CNTNAP5: variants seen among roughly 807,000 people sequenced by gnomAD.
The protein encoded by CNTNAP5 is contactin-associated protein-like 5.
CNTNAP5 carries 72 observed loss-of-function variants against 150.2 expected under a neutral mutation model. The observed-to-expected ratio is 0.48, with a 90% CI of 0.40 to 0.58. The LOEUF (loss-of-function observed/expected upper bound fraction) is 0.58, where lower values mean the gene tolerates loss of function less well. Among genes scored for constraint, CNTNAP5 ranks in the 20% least tolerant of loss-of-function variants. The pLI, the probability that CNTNAP5 is intolerant of heterozygous loss-of-function variation, is 0.00. For synonymous variants in CNTNAP5, 672 were observed against 619.8 expected, an observed-to-expected ratio of 1.08 and a Z score of -1.25; for missense variants, 1,636 against 1,626.2, an observed-to-expected ratio of 1.01 and a Z score of -0.10.
chr2:124,654,394 G>A (rs1164062001), intron 13 of CNTNAP5, among the ~76,000 whole-genome samples: 1 of 152,124 alleles, frequency 6.6e-6, no homozygotes, highest in Admixed American at 6.5e-5. Flanking sequence ...GACATTTTAA[G>A]TCATCTCCTA....
At chr2:124,707,940 A>T (rs74906781) in intron 13 of CNTNAP5, among the ~76,000 whole-genome samples, 24,625 of 152,036 alleles carry the variant, frequency 0.16, 2,235 homozygotes, top group East Asian at 0.24. Flanking sequence ...CCAGGATAAA[A>T]CTTTTAAAAA....
chr2:124,142,591 C>T (rs1389992116), intron 1 of CNTNAP5, among the ~76,000 whole-genome samples: 9 of 136,228 alleles, frequency 6.6e-5, no homozygotes, highest in South Asian at 2.7e-4. Context: ...TTGAAACCAA[C>T]GAGAACAAAG....
At chr2:124,507,416 G>A (rs1382097325) in intron 8 of CNTNAP5, among the ~76,000 whole-genome samples, 6 of 152,076 alleles carry the variant, frequency 3.9e-5, no homozygotes, top group African/African-American at 7.2e-5. Flanking sequence ...GCATAATCAC[G>A]CCGCTGCACT....
intron 1 of CNTNAP5, among the ~76,000 whole-genome samples, chr2:124,099,677 A>G (rs1430254516): frequency 6.6e-6 from 1 of 152,202 alleles, no homozygotes; most frequent in Non-Finnish European, 1.5e-5. Flanking sequence ...TGCAGGCTGT[A>G]TAGGAAGAAT....
chr2:124,191,144 G>A (rs1685448392), intron 1 of CNTNAP5, among the ~76,000 whole-genome samples: 1 of 152,108 alleles, frequency 6.6e-6, no homozygotes, highest in Non-Finnish European at 1.5e-5. Context: ...AACACCAATA[G>A]GTATCTTTGT....
At chr2:124,053,290 A>T (rs1328240951) in intron 1 of CNTNAP5, among the ~76,000 whole-genome samples, 2 of 152,178 alleles carry the variant, frequency 1.3e-5, no homozygotes, top group African/African-American at 4.8e-5. Context: ...AAAAGTGAGA[A>T]ATTCATAAAC....
chr2:124,317,095 A>T (rs1398050033), intron 3 of CNTNAP5, among the ~76,000 whole-genome samples: 2 of 152,158 alleles, frequency 1.3e-5, no homozygotes, highest in Non-Finnish European at 2.9e-5. Flanking sequence ...TTATTCACAC[A>T]TAAATATTTC....
chr2:124,521,765 G>A (rs1034161085), intron 8 of CNTNAP5, among the ~76,000 whole-genome samples: 2 of 152,150 alleles, frequency 1.3e-5, no homozygotes, highest in Non-Finnish European at 2.9e-5. Context: ...ATTCAAATGA[G>A]TATGCAAGTG....
At chr2:124,740,237 A>G (rs777759795) in intron 13 of CNTNAP5, among the ~76,000 whole-genome samples, 24 of 152,114 alleles carry the variant, frequency 1.6e-4, no homozygotes, top group Non-Finnish European at 2.6e-4. Context: ...CTATGAGAAA[A>G]CTGTACAAGA....
intron 13 of CNTNAP5, among the ~76,000 whole-genome samples, chr2:124,739,577 A>G (rs754399067): frequency 1.4e-4 from 21 of 152,248 alleles, no homozygotes; most frequent in Middle Eastern, 3.4e-3. Context: ...TTAAGCCCCC[A>G]GCGCTTAACT....
intron 12 of CNTNAP5, among the ~76,000 whole-genome samples, chr2:124,619,779 G>A (rs1403370735): frequency 6.8e-6 from 1 of 145,994 alleles, no homozygotes; most frequent in East Asian, 2.0e-4. Context: ...GCAGATTTTG[G>A]GCATACTAAA....
intron 13 of CNTNAP5, among the ~76,000 whole-genome samples, chr2:124,739,198 GAAC>G (rs959426659): frequency 6.6e-6 from 1 of 152,024 alleles, no homozygotes; most frequent in African/African-American, 2.4e-5. Context: ...AGAGAACATT[GAAC>G]AACATTATAA....
At chr2:124,319,809 G>T (rs1689055389) in intron 3 of CNTNAP5, among the ~76,000 whole-genome samples, 1 of 152,124 alleles carries the variant, frequency 6.6e-6, no homozygotes, top group South Asian at 2.1e-4. Context: ...GGTTGGGAAG[G>T]TGGCAAAATT....
chr2:124,908,564 C>A (rs560743118), intron 22 of CNTNAP5, among the ~76,000 whole-genome samples: 5 of 152,220 alleles, frequency 3.3e-5, no homozygotes, highest in Non-Finnish European at 5.9e-5. Flanking sequence ...GAAGTTGTAG[C>A]AATCATAAGG....
intron 19 of CNTNAP5, among the ~76,000 whole-genome samples, chr2:124,855,166 G>GTTTTTT (rs1558801475): frequency 5.2e-5 from 4 of 77,500 alleles, no homozygotes; most frequent in African/African-American, 1.8e-4. Context: ...TTGGGCTTTT[G>GTTTTTT]CTTTTTTTTT....
At chr2:124,127,679 C>T (rs986049319) in intron 1 of CNTNAP5, among the ~76,000 whole-genome samples, 1 of 152,132 alleles carries the variant, frequency 6.6e-6, no homozygotes, top group Non-Finnish European at 1.5e-5. Context: ...GCTACAGTAA[C>T]CAAAACAGCA....
chr2:124,669,906 T>C (rs1244257124), intron 13 of CNTNAP5, among the ~76,000 whole-genome samples: 1 of 152,178 alleles, frequency 6.6e-6, no homozygotes, highest in Non-Finnish European at 1.5e-5. Context: ...TTTTGATTAC[T>C]ACGATTGCTT....
chr2:124,060,738 A>T (rs1681987678), intron 1 of CNTNAP5, among the ~76,000 whole-genome samples: 1 of 152,182 alleles, frequency 6.6e-6, no homozygotes, highest in Non-Finnish European at 1.5e-5. Flanking sequence ...TCAGAAATAC[A>T]CTTAAGATAA....
chr2:124,762,107 G>A (rs1254980478), intron 14 of CNTNAP5, among the ~76,000 whole-genome samples: 1 of 152,054 alleles, frequency 6.6e-6, no homozygotes, highest in Admixed American at 6.6e-5. Flanking sequence ...AAAGATACCG[G>A]AATGTGGAGA....
Sources: allele counts gnomAD v4.1 joint callset (sites outside exome capture counted in the v4.1 genomes callset), GRCh38; gene constraint gnomAD v4.1.1; transcripts MANE v1.5; gene names NCBI Gene and HGNC (gene_info 2026-07-23, HGNC 2026-07-21).